The following SHANK2 variants were observed in gnomAD, a reference collection of about 807,000 sequenced individuals.
SHANK2 encodes the protein SH3 and multiple ankyrin repeat domains 2, also known as SH3 and multiple ankyrin repeat domains protein 2.
A neutral mutation model predicts 133.7 loss-of-function variants in SHANK2; 43 were observed. That is an observed-to-expected ratio of 0.32 (90% confidence interval 0.25 to 0.41). SHANK2 has a LOEUF of 0.41. SHANK2 is among the 10% of genes least tolerant of loss of function. SHANK2 has a pLI of 1.00. For synonymous variants in SHANK2, 1,017 were observed against 952.8 expected, an observed-to-expected ratio of 1.07 and a Z score of -1.24; for missense variants, 1,994 against 2,235.8, an observed-to-expected ratio of 0.89 and a Z score of 2.18.
At chr11:71,231,624 A>G (rs1043329298) in intron 1 of SHANK2, among the ~76,000 whole-genome samples, 1 of 152,224 alleles carries the variant, frequency 6.6e-6, no homozygotes, top group Admixed American at 6.5e-5. Context: ...GCAGTGGCTC[A>G]CACCTGTAAT....
chr11:71,166,916 C>G (rs1235563173), intron 2 of SHANK2, among the ~76,000 whole-genome samples: 1 of 137,784 alleles, frequency 7.3e-6, no homozygotes, highest in African/African-American at 2.5e-5. Context: ...TCTGGTTTTC[C>G]TAGGCAGAGG....
intron 17 of SHANK2, among the ~76,000 whole-genome samples, chr11:70,586,486 T>A (rs1448830301): frequency 6.6e-6 from 1 of 152,116 alleles, no homozygotes; most frequent in African/African-American, 2.4e-5. Context: ...AGGTGCTGCA[T>A]AGCTTGTCAC....
At chr11:71,248,588 A>C (rs1954993390) in intron 1 of SHANK2, among the ~76,000 whole-genome samples, 1 of 152,160 alleles carries the variant, frequency 6.6e-6, no homozygotes, top group East Asian at 1.9e-4. Flanking sequence ...GAGGGAATAA[A>C]TAGCAAGAGT....
chr11:70,543,655 C>T (rs1481599973), intron 17 of SHANK2, among the ~76,000 whole-genome samples: 1 of 152,208 alleles, frequency 6.6e-6, no homozygotes, highest in East Asian at 1.9e-4. Context: ...TATAAGAAAC[C>T]GGCAAACGTA....
chr11:70,601,209 G>A (rs2060492621), intron 17 of SHANK2, among the ~76,000 whole-genome samples: 2 of 129,000 alleles, frequency 1.6e-5, no homozygotes, highest in Non-Finnish European at 3.2e-5. Flanking sequence ...ATGCAACCAC[G>A]CCCAGCTAAT....
chr11:70,622,465 G>A (rs1411443924), intron 17 of SHANK2, among the ~76,000 whole-genome samples: 1 of 152,176 alleles, frequency 6.6e-6, no homozygotes, highest in Non-Finnish European at 1.5e-5. Flanking sequence ...CACAAACTGG[G>A]GGGCTTAAAA....
chr11:70,540,884 C>T (rs1348940808), intron 17 of SHANK2, among the ~76,000 whole-genome samples: 7 of 151,348 alleles, frequency 4.6e-5, no homozygotes, highest in African/African-American at 1.7e-4. Flanking sequence ...ACTCAGCACG[C>T]TAACCTGTTA....
At chr11:70,598,424 A>G (rs2060430934) in intron 17 of SHANK2, among the ~76,000 whole-genome samples, 1 of 152,192 alleles carries the variant, frequency 6.6e-6, no homozygotes, top group South Asian at 2.1e-4. Context: ...AAGAGATTGA[A>G]CCAGAAGTTG....
chr11:70,650,461 G>C (rs1774582205), intron 17 of SHANK2, among the ~76,000 whole-genome samples: 1 of 152,170 alleles, frequency 6.6e-6, no homozygotes, highest in African/African-American at 2.4e-5. Context: ...CAGAGAGCCA[G>C]TGCCCTGGAG....
intron 3 of SHANK2, among the ~76,000 whole-genome samples, chr11:71,120,786 C>T: frequency 6.6e-6 from 1 of 152,208 alleles, no homozygotes; most frequent in Non-Finnish European, 1.5e-5. Flanking sequence ...GGGCCGCTCA[C>T]TACTCACCCT....
chr11:70,835,263 G>T (rs1555059757), intron 11 of SHANK2, among the ~76,000 whole-genome samples: 1 of 152,172 alleles, frequency 6.6e-6, no homozygotes, highest in East Asian at 1.9e-4. Flanking sequence ...CCATCCCTGT[G>T]GTGGCCCTTC....
intron 17 of SHANK2, among the ~76,000 whole-genome samples, chr11:70,524,953 T>C (rs1554971830): frequency 1.3e-5 from 2 of 152,210 alleles, no homozygotes; most frequent in East Asian, 3.9e-4. Context: ...CAGGCCACAT[T>C]TGAACATTTT....
chr11:71,072,293 C>T (rs926384230), intron 9 of SHANK2, among the ~76,000 whole-genome samples: 80 of 152,190 alleles, frequency 5.3e-4, no homozygotes, highest in Middle Eastern at 3.4e-3. Flanking sequence ...CAGCCTCCTG[C>T]GGGACCAACA....
intron 1 of SHANK2, among the ~76,000 whole-genome samples, chr11:71,250,971 A>G (rs1948168169): frequency 2.0e-5 from 3 of 152,188 alleles, no homozygotes; most frequent in East Asian, 1.9e-4. Flanking sequence ...AGGTCACTCA[A>G]CTATCCAATT....
chr11:71,197,552 T>C (rs7112170), intron 2 of SHANK2, among the ~76,000 whole-genome samples: 132,738 of 152,316 alleles, frequency 0.87, 58,024 homozygotes, highest in East Asian at 1. Context: ...GCAAATCCCA[T>C]CTGCTCTATC....
intron 17 of SHANK2, among the ~76,000 whole-genome samples, chr11:70,546,660 A>C (rs890162271): frequency 5.3e-5 from 8 of 151,954 alleles, no homozygotes; most frequent in African/African-American, 1.9e-4. Context: ...GCTGGTGTAG[A>C]CCCCTGGTGG....
chr11:71,171,350 C>T (rs1177106332), intron 2 of SHANK2, among the ~76,000 whole-genome samples: 4 of 152,108 alleles, frequency 2.6e-5, no homozygotes, highest in East Asian at 1.9e-4. Flanking sequence ...AAGGTGATGG[C>T]GTAAGTCACT....
intron 17 of SHANK2, among the ~76,000 whole-genome samples, chr11:70,656,216 T>G (rs956329880): frequency 2.0e-5 from 3 of 152,186 alleles, no homozygotes; most frequent in Admixed American, 1.3e-4. Context: ...AGCAAACTCT[T>G]ATGGCAGGCT....
chr11:70,655,265 A>C (rs2061392953), intron 17 of SHANK2, among the ~76,000 whole-genome samples: 2 of 152,216 alleles, frequency 1.3e-5, no homozygotes, highest in Admixed American at 1.3e-4. Flanking sequence ...TAAAACAGTC[A>C]CCGCACTGCT....
Sources: allele counts gnomAD v4.1 joint callset (sites outside exome capture counted in the v4.1 genomes callset), GRCh38; gene constraint gnomAD v4.1.1; transcripts MANE v1.5; gene names NCBI Gene and HGNC (gene_info 2026-07-23, HGNC 2026-07-21).